The following STK32B variants were observed in gnomAD, a reference collection of about 807,000 sequenced individuals.
STK32B encodes serine/threonine kinase 32B.
A neutral mutation model predicts 52.6 loss-of-function variants in STK32B; 43 were observed. The ratio of observed to expected loss-of-function variants is 0.82; its 90% CI spans 0.64 to 1.05. STK32B has a LOEUF of 1.05. Among genes scored for constraint, STK32B ranks in the 50% least tolerant of loss-of-function variants. The pLI is 0.00. For synonymous variants in STK32B, 238 were observed against 204.3 expected (o/e 1.17, Z -1.41); for missense variants, 621 against 534.6 (o/e 1.16, Z -1.59).
chr4:5,065,591 G>C (rs891031165), intron 1 of STK32B, among the ~76,000 whole-genome samples: 5 of 152,160 alleles, frequency 3.3e-5, no homozygotes, highest in African/African-American at 1.2e-4. Flanking sequence ...TGCCTTGATT[G>C]GCAATGCCTA....
At chr4:5,031,389 G>A in the STK32B span, among the ~76,000 whole-genome samples, 3 of 152,040 alleles carry the variant, frequency 2.0e-5, no homozygotes, top group African/African-American at 4.8e-5. Flanking sequence ...TTTATTTAGA[G>A]GGTTTGAGGC....
At chr4:5,232,357 T>G (rs1266947120) in intron 3 of STK32B, among the ~76,000 whole-genome samples, 1 of 152,200 alleles carries the variant, frequency 6.6e-6, no homozygotes, top group Non-Finnish European at 1.5e-5. Flanking sequence ...ATATGTGTAA[T>G]AACTATAATG....
chr4:5,433,013 A>G (rs1301670727), intron 6 of STK32B, among the ~76,000 whole-genome samples: 1 of 152,078 alleles, frequency 6.6e-6, no homozygotes. Context: ...CTGAGTAATT[A>G]CCACTTTCAT....
rs141893227 is a variant in STK32B at position 5,375,997 on chromosome 4, C to T, written c.435-22210C>T. ...CCCTCATCTCTGCATGTCCCAGCAC[C>T]ACAGGACTGCAGAGTAGATTTGTGA... On this transcript the variant is annotated intron_variant, in intron 4 of 11. Coordinates refer to ENST00000282908, the MANE Select transcript of STK32B (RefSeq NM_018401.3). 1.2e-3 allele frequency among the ~76,000 whole-genome samples: 176 copies of T among 152,294 alleles called. 1 individual carries two copies. The highest frequency in any genetic ancestry group is 4.1e-3 in the African/African-American group (170 of 41,554).
intron 6 of STK32B, among the ~76,000 whole-genome samples, chr4:5,433,184 T>TAGAGAGGAGGAC (rs1713744063): frequency 6.6e-6 from 1 of 151,370 alleles, no homozygotes; most frequent in East Asian, 2.0e-4. Flanking sequence ...GAAAGGAGGA[T>TAGAGAGGAGGAC]AGAGAGGAAG....
intron 6 of STK32B, among the ~76,000 whole-genome samples, chr4:5,434,124 C>T (rs952319651): frequency 1.4e-4 from 21 of 152,124 alleles, no homozygotes; most frequent in African/African-American, 2.9e-4. Flanking sequence ...GCCCAGTGTC[C>T]GCCCAGTGTA....
the STK32B span, among the ~76,000 whole-genome samples, chr4:5,020,940 T>C: frequency 2.0e-5 from 3 of 152,120 alleles, no homozygotes; most frequent in Admixed American, 2.0e-4. Flanking sequence ...ATGTCTGGAC[T>C]TTCCTGCCTC....
upstream of STK32B, among the ~76,000 whole-genome samples, chr4:5,046,782 A>G (rs1027639790): frequency 1.3e-5 from 2 of 152,218 alleles, no homozygotes; most frequent in Non-Finnish European, 2.9e-5. Flanking sequence ...TCAAAACCAC[A>G]ATGAGATACC....
chr4:5,401,533 G>C lies in STK32B; in HGVS notation c.472+3289G>C, dbSNP rs138282608. Among the ~76,000 whole-genome samples the C allele has an allele frequency of 5.4e-4, 82 of 152,222 alleles. 2 individuals carry two copies. In the East Asian group the frequency reaches 0.012, roughly 22 times the overall value. ...TCTGCCTTACTTTCTGATCTTTCAG[G>C]GTTTTATGTCTTGGAATGGACACTT... On this transcript the variant is annotated intron_variant, in intron 5 of 11. Coordinates refer to ENST00000282908, the MANE Select transcript of STK32B (RefSeq NM_018401.3).
chr4:5,159,524 GA>G (rs1560185560), intron 2 of STK32B, among the ~76,000 whole-genome samples: 1 of 124,058 alleles, frequency 8.1e-6, no homozygotes, highest in Non-Finnish European at 1.6e-5. Context: ...ATGAATATAT[GA>G]TATATATGTA....
rs551175163 is a variant in STK32B, at chr4:5,085,308, A to G, written c.52+33393A>G. Among the ~76,000 whole-genome samples, 128 of 152,364 alleles carry G rather than the reference A, an allele frequency of 8.4e-4. 1 individual carries two copies. The highest frequency in any genetic ancestry group is 3.0e-3 in the African/African-American group (123 of 41,582). On this transcript the variant is annotated intron_variant, in intron 1 of 11. Coordinates refer to ENST00000282908, the MANE Select transcript of STK32B (RefSeq NM_018401.3). ...TGTCTGGCACAGTGCCTGACCCACA[A>G]TTATCTACTGTAATTATTTTTATAC...
intron 4 of STK32B, among the ~76,000 whole-genome samples, chr4:5,332,639 C>A (rs1732349855): frequency 1.3e-5 from 2 of 152,082 alleles, no homozygotes; most frequent in African/African-American, 2.4e-5. Flanking sequence ...AATGCTATCC[C>A]TCCCCGCTGC....
At chr4:5,397,795 C>T (rs1737014736) in intron 4 of STK32B, among the ~76,000 whole-genome samples, 1 of 152,230 alleles carries the variant, frequency 6.6e-6, no homozygotes, top group African/African-American at 2.4e-5. Context: ...ATGACAACTT[C>T]CAAACCCTCA....
chr4:5,439,922 G>A (rs999931853), intron 6 of STK32B, among the ~76,000 whole-genome samples: 10 of 152,184 alleles, frequency 6.6e-5, no homozygotes, highest in East Asian at 3.9e-4. Flanking sequence ...GTAGATATGC[G>A]GCATTATTTC....
intron 4 of STK32B, among the ~76,000 whole-genome samples, chr4:5,339,343 C>G (rs535751020): frequency 6.6e-6 from 1 of 152,282 alleles, no homozygotes; most frequent in South Asian, 2.1e-4. Flanking sequence ...ACCCTGACTA[C>G]TGCAGTTGAA....
chr4:5,249,092 AT>A (rs1392101065), intron 3 of STK32B, among the ~76,000 whole-genome samples: 11 of 129,568 alleles, frequency 8.5e-5, no homozygotes, highest in East Asian at 2.5e-4. Context: ...AAAAAATAAA[AT>A]AAAGATACTA....
intron 2 of STK32B, among the ~76,000 whole-genome samples, chr4:5,154,211 CTTTTT>C (rs3072774): frequency 1.2e-4 from 15 of 122,562 alleles, no homozygotes; most frequent in Non-Finnish European, 1.0e-4. Flanking sequence ...CCTTCCATGT[CTTTTT>C]TTTTTTTTTT....
intron 3 of STK32B, among the ~76,000 whole-genome samples, chr4:5,247,826 C>T (rs1725573451): frequency 6.6e-6 from 1 of 151,966 alleles, no homozygotes; most frequent in African/African-American, 2.4e-5. Context: ...GTTTCTTTTT[C>T]CCATACTGCC....
rs945255539 is a variant in STK32B, at chr4:5,156,984, C to G, written c.109-11315C>G. Among the ~76,000 whole-genome samples, 3 of 151,550 alleles carry G rather than the reference C, an allele frequency of 2.0e-5. No individual in the cohort carries two copies. The South Asian group carries it at 6.3e-4, about 32-fold the overall frequency. On this transcript the variant is annotated intron_variant, in intron 2 of 11. Transcript: ENST00000282908. ...AGGCTCTCACAGCTGCATGTGAATT[C>G]AGAGTGTGAAAAAAAAAAGATTTGA...
Sources: allele counts gnomAD v4.1 joint callset (sites outside exome capture counted in the v4.1 genomes callset), GRCh38; gene constraint gnomAD v4.1.1; transcripts MANE v1.5; gene names NCBI Gene and HGNC (gene_info 2026-07-23, HGNC 2026-07-21).